Variants in KANK1 observed in about 807,000 individuals in gnomAD.
KANK1 encodes KN motif and ankyrin repeat domains 1, also known as KN motif and ankyrin repeat domain-containing protein 1.
KANK1 carries 109 observed loss-of-function variants against 106.2 expected under a neutral mutation model. That is an observed-to-expected ratio of 1.03 (90% CI 0.88 to 1.20). KANK1 has a LOEUF of 1.20. KANK1 is among the 50% of genes most tolerant of loss of function. The pLI is 0.00. For missense variants in KANK1, 2,399 were observed against 1,710.7 expected, an observed-to-expected ratio of 1.40 and a Z score of -7.10; for synonymous variants, 873 against 652.2, an observed-to-expected ratio of 1.34 and a Z score of -5.16.
At chr9:684,987 A>T (rs1818273021) in intron 2 of KANK1, among the ~76,000 whole-genome samples, 1 of 152,188 alleles carries the variant, frequency 6.6e-6, no homozygotes, top group South Asian at 2.1e-4. Flanking sequence ...ATTTTATAAG[A>T]TTCATTCAAA....
At chr9:572,563 A>T (rs2804269) in intron 1 of KANK1, among the ~76,000 whole-genome samples, 55,687 of 151,150 alleles carry the variant, frequency 0.37, 12,790 homozygotes, top group South Asian at 0.57. Flanking sequence ...AAAAAAAAAA[A>T]TTTTTTTTGT....
chr9:656,456 A>G (rs1161595005), intron 1 of KANK1, among the ~76,000 whole-genome samples: 4 of 152,064 alleles, frequency 2.6e-5, no homozygotes, highest in Non-Finnish European at 5.9e-5. Context: ...TTTTGCCTCT[A>G]CCTCATGCTG....
intron 1 of KANK1, among the ~76,000 whole-genome samples, chr9:591,531 C>T (rs1301689227): frequency 6.6e-6 from 1 of 151,822 alleles, no homozygotes; most frequent in Non-Finnish European, 1.5e-5. Context: ...TCCAGCCCCA[C>T]TGGTCTCTTC....
chr9:739,015 C>A (rs1260599739), intron 8 of KANK1, among the ~76,000 whole-genome samples: 1 of 152,160 alleles, frequency 6.6e-6, no homozygotes, highest in African/African-American at 2.4e-5. Flanking sequence ...ACCATTCTCA[C>A]CAAAATATAC....
intron 1 of KANK1, among the ~76,000 whole-genome samples, chr9:650,919 A>G (rs1840747424): frequency 6.6e-6 from 1 of 152,134 alleles, no homozygotes; most frequent in African/African-American, 2.4e-5. Flanking sequence ...ATGAGAAGAA[A>G]TGCACAAAGG....
chr9:535,828 C>A (rs2060272870), intron 1 of KANK1, among the ~76,000 whole-genome samples: 1 of 152,184 alleles, frequency 6.6e-6, no homozygotes, highest in Admixed American at 6.5e-5. Context: ...TCCTCACAAG[C>A]AGTCTTTATT....
chr9:604,532 C>G (rs766005303), intron 1 of KANK1, among the ~76,000 whole-genome samples: 1 of 151,726 alleles, frequency 6.6e-6, no homozygotes, highest in East Asian at 1.9e-4. Flanking sequence ...GGCCTTCCAC[C>G]GTGATTATAA....
intron 3 of KANK1, among the ~76,000 whole-genome samples, chr9:474,156 G>A (rs1311468574): frequency 6.6e-6 from 1 of 152,196 alleles, no homozygotes; most frequent in Admixed American, 6.5e-5. Context: ...TGAGTGTATG[G>A]ATAGGTACCT....
rs183129090 is a variant in KANK1, at chr9:732,819, A to G, written c.3245+202A>G. On this transcript the variant is annotated intron_variant, in intron 6 of 11. Coordinates refer to ENST00000382297, the MANE Select transcript of KANK1 (RefSeq NM_015158.5). ...CTTATGGTAGAATGGCCTGGTACCTAATCACCCTTGTTTTCTGAAACCTTA... is the reference window on the plus strand; with the variant it reads ...CTTATGGTAGAATGGCCTGGTACCTGATCACCCTTGTTTTCTGAAACCTTA... 3.1e-5 allele frequency: 15 copies of G among 485,214 alleles called. No individual in the cohort carries two copies. The East Asian group carries it at 3.2e-4, about 10-fold the overall frequency. The allele number at this position is 485,214 out of a possible 1,614,324, so 30.1% of individuals were successfully genotyped here.
chr9:702,919 C>G (rs557710569), intron 2 of KANK1, among the ~76,000 whole-genome samples: 1 of 152,264 alleles, frequency 6.6e-6, no homozygotes, highest in South Asian at 2.1e-4. Context: ...TAACTCGGTT[C>G]TGTTTTGATC....
At chr9:610,224 C>G (rs964808218) in intron 1 of KANK1, among the ~76,000 whole-genome samples, 2 of 152,008 alleles carry the variant, frequency 1.3e-5, no homozygotes, top group African/African-American at 4.8e-5. Flanking sequence ...TGAACACTTA[C>G]GTTTATCAAA....
chr9:732,504 G>C lies in KANK1; in HGVS notation c.3132G>C (p.Arg1044=). 6.2e-7 allele frequency: 1 copy of C among 1,614,114 alleles called. No individual in the cohort carries two copies. Among genetic ancestry groups the C allele is most frequent in the Non-Finnish European group, 8.5e-7 (1 of 1,180,020 alleles). The change falls in exon 6 of 12, where the codon CGG becomes CGC. Residue 1044 remains arginine (R), a synonymous_variant. Transcript: ENST00000382297. ...EEEEEEDEDT[R]GMAEGHHAVN... ...AGGAGGAGGAGGATGAAGACACTCG[G>C]GGAATGGCAGAAGGGCACCATGCAG... is the stretch of plus-strand genomic sequence containing the variant.
intron 1 of KANK1, among the ~76,000 whole-genome samples, chr9:568,069 G>C (rs759780260): frequency 2.6e-5 from 4 of 151,996 alleles, no homozygotes; most frequent in Admixed American, 6.6e-5. Context: ...CAAAGCTCAA[G>C]AGTTAATTTG....
chr9:697,818 C>T (rs16922691), intron 2 of KANK1, among the ~76,000 whole-genome samples: 550 of 152,084 alleles, frequency 3.6e-3, no homozygotes, highest in African/African-American at 0.012. Flanking sequence ...TCAAATATAC[C>T]CTTGACACTG....
At chr9:646,324 T>C (rs1160912119) in intron 1 of KANK1, among the ~76,000 whole-genome samples, 1 of 150,350 alleles carries the variant, frequency 6.7e-6, no homozygotes, top group African/African-American at 2.5e-5. Context: ...TAGCAAGACC[T>C]ATATCTACCT....
chr9:623,617 GAAAA>G (rs1563879893), intron 1 of KANK1, among the ~76,000 whole-genome samples: 2 of 133,276 alleles, frequency 1.5e-5, no homozygotes, highest in East Asian at 4.1e-4. Context: ...AAAAAAAAAA[GAAAA>G]AGAAAAAAAA....
At chr9:720,867 T>C (rs1175984789) in intron 3 of KANK1, among the ~76,000 whole-genome samples, 3 of 152,188 alleles carry the variant, frequency 2.0e-5, no homozygotes, top group Non-Finnish European at 4.4e-5. Context: ...CATCTACCAT[T>C]AGTGGCCCAG....
intron 6 of KANK1, chr9:733,587 C>G (rs544846426): frequency 1.3e-5 from 2 of 152,118 alleles, no homozygotes; most frequent in East Asian, 1.9e-4. Context: ...GAGTTTGAGA[C>G]TAGCCTGGAC....
chr9:651,809 TG>T (rs2137589461), intron 1 of KANK1, among the ~76,000 whole-genome samples: 1 of 152,348 alleles, frequency 6.6e-6, no homozygotes, highest in East Asian at 1.9e-4. Context: ...ACATAGATAA[TG>T]TTTGTATGAT....
Sources: gnomAD v4.1 joint callset for allele counts (sites outside exome capture counted in the v4.1 genomes callset) on GRCh38, gnomAD v4.1.1 for gene constraint, MANE v1.5 for transcripts, NCBI Gene and HGNC (gene_info 2026-07-23, HGNC 2026-07-21) for gene names.